The following NAALADL2 variants were observed in gnomAD, a reference collection of about 807,000 sequenced individuals.
The protein encoded by NAALADL2 is N-acetylated alpha-linked acidic dipeptidase like 2.
In NAALADL2, 76 loss-of-function variants were observed where a neutral mutation model predicts 87.2. That is an observed-to-expected ratio of 0.87 (90% CI 0.72 to 1.05). NAALADL2 has a LOEUF of 1.05. Ranked by LOEUF, NAALADL2 falls within the 50% of genes least tolerant of loss-of-function variation. NAALADL2 has a pLI of 0.00. For synonymous variants in NAALADL2, 354 were observed against 331.0 expected (o/e 1.07, Z -0.75); for missense variants, 1,089 against 945.8 (o/e 1.15, Z -1.99).
intron 1 of NAALADL2, among the ~76,000 whole-genome samples, chr3:174,503,027 GA>G (rs35693213): frequency 0.088 from 11,819 of 134,326 alleles, 1,121 homozygotes; most frequent in East Asian, 0.44. Flanking sequence ...TACTCCATCT[GA>G]AAAAAAAAAA....
chr3:175,332,335 A>G (rs1478846177), intron 5 of NAALADL2, among the ~76,000 whole-genome samples: 1 of 152,212 alleles, frequency 6.6e-6, no homozygotes, highest in Non-Finnish European at 1.5e-5. Flanking sequence ...TTACAAGCAT[A>G]TAGTAAACGA....
At chr3:175,538,714 C>CT (rs889945117) in intron 9 of NAALADL2, among the ~76,000 whole-genome samples, 51 of 152,104 alleles carry the variant, frequency 3.4e-4, no homozygotes, top group Admixed American at 2.7e-3. Context: ...AAATTTTTAA[C>CT]TTTTTAACTC....
chr3:175,162,493 CAGA>C (rs1337623262), intron 2 of NAALADL2, among the ~76,000 whole-genome samples: 1 of 151,974 alleles, frequency 6.6e-6, no homozygotes, highest in Non-Finnish European at 1.5e-5. Context: ...GAAAAAATAC[CAGA>C]AGTTCTTATT....
At chr3:175,602,674 G>C (rs1388053810) in intron 10 of NAALADL2, among the ~76,000 whole-genome samples, 1 of 152,092 alleles carries the variant, frequency 6.6e-6, no homozygotes. Flanking sequence ...AAATAGCAAA[G>C]TTAAAGGGTT....
intron 1 of NAALADL2, among the ~76,000 whole-genome samples, chr3:174,875,122 A>G (rs1728338286): frequency 7.0e-6 from 1 of 143,030 alleles, no homozygotes; most frequent in African/African-American, 2.8e-5. Context: ...CAAAAAAAAA[A>G]AAAAAAAAAA....
At chr3:175,071,488 A>C (rs1395902668) in intron 1 of NAALADL2, among the ~76,000 whole-genome samples, 1 of 152,056 alleles carries the variant, frequency 6.6e-6, no homozygotes, top group Non-Finnish European at 1.5e-5. Flanking sequence ...ATATTTATAT[A>C]TTCACACATA....
chr3:174,560,836 C>G (rs1217839579), intron 2 of NAALADL2, among the ~76,000 whole-genome samples: 1 of 152,046 alleles, frequency 6.6e-6, no homozygotes, highest in East Asian at 1.9e-4. Flanking sequence ...CTGTTCTGGT[C>G]TAGAACACTG....
At chr3:174,468,762 CTTT>C (rs541184155) in intron 1 of NAALADL2, among the ~76,000 whole-genome samples, 5 of 130,102 alleles carry the variant, frequency 3.8e-5, no homozygotes, top group Admixed American at 1.6e-4. Flanking sequence ...TAACTATATT[CTTT>C]TTTTTTTTTT....
At chr3:174,704,927 A>C (rs1024308619) in intron 2 of NAALADL2, among the ~76,000 whole-genome samples, 2 of 152,228 alleles carry the variant, frequency 1.3e-5, no homozygotes, top group African/African-American at 4.8e-5. Flanking sequence ...TGGTCACAAA[A>C]ACATCACCAA....
rs143093214 is a variant in NAALADL2 at position 174,664,708 on chromosome 3, A to G, written c.-114-72933A>G. On this transcript the variant is annotated intron_variant, in intron 2 of 3. Coordinates refer to the NAALADL2 transcript ENST00000434257. ...GTTTCTGGTATTTTGTGCAAATGAT[A>G]ATTCTGGTGGGTGCTCTTATTCTGG... Among the ~76,000 whole-genome samples, 475 of 152,246 alleles carry G rather than the reference A, an allele frequency of 3.1e-3. 3 individuals carry two copies. Among genetic ancestry groups the G allele is most frequent in the Non-Finnish European group, 4.6e-3 (316 of 68,008 alleles).
intron 3 of NAALADL2, among the ~76,000 whole-genome samples, chr3:175,250,869 G>A (rs1456694802): frequency 6.6e-6 from 1 of 152,158 alleles, no homozygotes; most frequent in Non-Finnish European, 1.5e-5. Flanking sequence ...TCTGAAGCTT[G>A]ATCTGTGTAA....
At position 175,805,689 on chromosome 3, in the gene NAALADL2, C is replaced by T. The variant is rs184289083; in HGVS notation, c.*2486C>T. On this transcript the variant is annotated 3_prime_UTR_variant, in exon 14 of 14. Coordinates refer to ENST00000454872, the MANE Select transcript of NAALADL2 (RefSeq NM_207015.3). ...TAGTAGGTTTAAGCTGTTGCTGAGTCGTCTATATGCCTGGTACTTCTCACA... is the reference window on the plus strand; with the variant it reads ...TAGTAGGTTTAAGCTGTTGCTGAGTTGTCTATATGCCTGGTACTTCTCACA... 4.6e-5 allele frequency: 7 copies of T among 151,696 alleles called. No homozygotes were observed. Among genetic ancestry groups the T allele is most frequent in the African/African-American group, 1.7e-4 (7 of 41,416 alleles). The allele number at this position is 151,696 out of a possible 1,614,324, so 9.4% of individuals were successfully genotyped here. A position where few individuals can be genotyped will look rare whatever the true frequency, so the allele number is the denominator to read the frequency against.
Position 175,181,709 on chromosome 3 carries a change from G to GTT in NAALADL2, c.546-52221_546-52220insTT, listed in dbSNP as rs1205027011. 1.5e-3 allele frequency among the ~76,000 whole-genome samples: 79 copies of GTT among 53,086 alleles called. 6 individuals are homozygous for GTT. Among genetic ancestry groups the GTT allele is most frequent in the East Asian group, 0.013 (19 of 1,476 alleles). The allele number at this position is 53,086 out of a possible 152,430, so 34.8% of individuals were successfully genotyped here. ...TATATATATATATATATATATGTGTGTGTGTGTGTATATATATGTATATAT... is the reference window on the plus strand; with the variant it reads ...TATATATATATATATATATATGTGTGTTTGTGTGTGTATATATATGTATATAT... On this transcript the variant is annotated intron_variant, in intron 2 of 13. Coordinates refer to ENST00000454872, the MANE Select transcript of NAALADL2 (RefSeq NM_207015.3).
rs180958706 is a variant in NAALADL2 at position 174,962,631 on chromosome 3, G to A, written c.43+103181G>A. 2.3e-4 allele frequency among the ~76,000 whole-genome samples: 35 copies of A among 151,722 alleles called. 1 individual carries two copies. Among genetic ancestry groups the A allele is most frequent in the Non-Finnish European group, 4.4e-5 (3 of 67,910 alleles). Reference sequence around the variant, plus strand: ...AGCTGAGAAGAAGGGTACCGAGGACGGACTCTTACCTCAGAGAGATAACTG... The same window carrying A: ...AGCTGAGAAGAAGGGTACCGAGGACAGACTCTTACCTCAGAGAGATAACTG... On this transcript the variant is annotated intron_variant, in intron 1 of 13. Transcript: ENST00000454872.
chr3:174,898,169 T>G (rs988697754), intron 1 of NAALADL2, among the ~76,000 whole-genome samples: 12 of 145,876 alleles, frequency 8.2e-5, no homozygotes, highest in African/African-American at 2.8e-4. Context: ...ATCTTATCAT[T>G]TGCAATAACA....
chr3:175,252,552 C>G (rs1749244608), intron 3 of NAALADL2, among the ~76,000 whole-genome samples: 1 of 152,020 alleles, frequency 6.6e-6, no homozygotes, highest in African/African-American at 2.4e-5. Context: ...GAAATGAAAC[C>G]AATTAAGAAT....
intron 2 of NAALADL2, among the ~76,000 whole-genome samples, chr3:175,185,188 A>G (rs1282289957): frequency 6.6e-6 from 1 of 152,136 alleles, no homozygotes. Flanking sequence ...TACTTGTGAT[A>G]CCACATACAA....
chr3:175,034,481 C>A (rs1040041717), intron 1 of NAALADL2, among the ~76,000 whole-genome samples: 2 of 152,090 alleles, frequency 1.3e-5, no homozygotes, highest in Non-Finnish European at 2.9e-5. Flanking sequence ...CCTTGTATAG[C>A]CACATGGCCA....
intron 1 of NAALADL2, among the ~76,000 whole-genome samples, chr3:174,453,440 G>T (rs1357368405): frequency 6.6e-6 from 1 of 152,054 alleles, no homozygotes; most frequent in Non-Finnish European, 1.5e-5. Context: ...TACTTCACAA[G>T]AAGATCATCC....
Sources: allele counts gnomAD v4.1 joint callset (sites outside exome capture counted in the v4.1 genomes callset), GRCh38; gene constraint gnomAD v4.1.1; transcripts MANE v1.5; gene names NCBI Gene and HGNC (gene_info 2026-07-23, HGNC 2026-07-21).